The following GBE1 variants were observed in gnomAD, a reference collection of about 807,000 sequenced individuals.
GBE1 encodes 1,4-alpha-glucan branching enzyme 1, also known as 1,4-alpha-glucan-branching enzyme.
GBE1 carries 70 observed loss-of-function variants against 88.8 expected under a neutral mutation model. The ratio of observed to expected loss-of-function variants is 0.79; its 90% CI spans 0.65 to 0.96. The LOEUF is 0.96. GBE1 is among the 40% of genes least tolerant of loss of function. The probability of loss-of-function intolerance (pLI) is 0.00; values close to 1 mark genes in which losing one functional copy is unlikely to be tolerated. For missense variants in GBE1, 872 were observed against 871.0 expected, an observed-to-expected ratio of 1.00 and a Z score of -0.01; for synonymous variants, 284 against 300.1, an observed-to-expected ratio of 0.95 and a Z score of 0.56.
At chr3:81,725,313 T>C (rs1706093272) in intron 1 of GBE1, among the ~76,000 whole-genome samples, 1 of 152,218 alleles carries the variant, frequency 6.6e-6, no homozygotes, top group African/African-American at 2.4e-5. Flanking sequence ...ATTTTCTTTC[T>C]TTAAATTTTT....
chr3:81,716,029 T>C (rs1157334024), intron 1 of GBE1, among the ~76,000 whole-genome samples: 2 of 152,190 alleles, frequency 1.3e-5, no homozygotes, highest in Non-Finnish European at 2.9e-5. Context: ...CATTGTGTTA[T>C]TAATTTTAAT....
chr3:81,706,998 C>CAA (rs760072549), intron 1 of GBE1, among the ~76,000 whole-genome samples: 1 of 146,718 alleles, frequency 6.8e-6, no homozygotes, highest in East Asian at 2.0e-4. Flanking sequence ...CCAACATAGA[C>CAA]AAAAAAAAAT....
At chr3:81,621,578 AT>A (rs1421354045) in intron 7 of GBE1, among the ~76,000 whole-genome samples, 1 of 152,016 alleles carries the variant, frequency 6.6e-6, no homozygotes, top group Admixed American at 6.6e-5. Flanking sequence ...CCAACAGAAA[AT>A]TACTCCTAAC....
At position 81,581,230 on chromosome 3, in the gene GBE1, C is replaced by G; in HGVS notation, c.1381G>C (p.Val461Leu). ...TAGCGCCTGTTTGTGAGCGTGTATACTATATCGCCCATGTTCCAGTCTTCA... is the reference window on the plus strand; with the variant it reads ...TAGCGCCTGTTTGTGAGCGTGTATAGTATATCGCCCATGTTCCAGTCTTCA... ...KDEDWNMGDI[V>L]YTLTNRRYLE... Residue 461 changes from valine (V) to leucine (L), a missense_variant, in exon 11 of 16, where the codon GTA (valine) becomes CTA (leucine). Val to Leu is a conservative substitution (Grantham distance 32, BLOSUM62 1). Transcript: ENST00000429644. The G allele has an allele frequency of 6.2e-7, 1 of 1,604,296 alleles. No individual in the cohort carries two copies. The highest frequency in any genetic ancestry group is 1.3e-5 in the African/African-American group (1 of 74,348).
intron 3 of GBE1, among the ~76,000 whole-genome samples, chr3:81,651,558 T>C (rs1470590289): frequency 1.3e-5 from 2 of 152,170 alleles, no homozygotes; most frequent in Non-Finnish European, 2.9e-5. Context: ...TTCAACTATT[T>C]TAAGCTTAAA....
chr3:81,537,262 G>A (rs976182051), intron 12 of GBE1, among the ~76,000 whole-genome samples, 167 bp from the exon 13 acceptor site: 6 of 151,880 alleles, frequency 4.0e-5, no homozygotes, highest in South Asian at 2.1e-4. Flanking sequence ...AAAATAGCAC[G>A]GTCTAGCACA....
chr3:81,507,644 C>T (rs1050411835), intron 14 of GBE1, among the ~76,000 whole-genome samples: 1 of 151,320 alleles, frequency 6.6e-6, no homozygotes, highest in Admixed American at 6.6e-5. Context: ...AAGCCAAATG[C>T]AACTTTTTTC....
chr3:81,581,762 T>G (rs912150603), intron 10 of GBE1, among the ~76,000 whole-genome samples: 1 of 152,118 alleles, frequency 6.6e-6, no homozygotes, highest in African/African-American at 2.4e-5. Flanking sequence ...TATCATCAAA[T>G]AATTACCCTC....
chr3:81,510,033 C>A (rs948255912), intron 14 of GBE1, among the ~76,000 whole-genome samples: 1 of 152,126 alleles, frequency 6.6e-6, no homozygotes, highest in East Asian at 1.9e-4. Context: ...GACATGGATA[C>A]ATGATTCCAG....
At chr3:81,601,943 A>G (rs756096162) in intron 7 of GBE1, among the ~76,000 whole-genome samples, 1 of 152,226 alleles carries the variant, frequency 6.6e-6, no homozygotes, top group Non-Finnish European at 1.5e-5. Flanking sequence ...AATACAAAGT[A>G]TCACTTTGTG....
At chr3:81,754,292 G>T (rs1706573260) in intron 1 of GBE1, among the ~76,000 whole-genome samples, 1 of 151,960 alleles carries the variant, frequency 6.6e-6, no homozygotes, top group Admixed American at 6.6e-5. Context: ...ATAAAACTCT[G>T]ATGAAAGAAA....
At chr3:81,710,386 C>A (rs1001925897) in intron 1 of GBE1, among the ~76,000 whole-genome samples, 3 of 151,054 alleles carry the variant, frequency 2.0e-5, no homozygotes, top group Non-Finnish European at 3.0e-5. Flanking sequence ...AGGCACCCAC[C>A]ACCACGCCCG....
chr3:81,560,649 T>C (rs2106908869), intron 12 of GBE1, among the ~76,000 whole-genome samples: 1 of 152,108 alleles, frequency 6.6e-6, no homozygotes, highest in Admixed American at 6.6e-5. Flanking sequence ...ATGGTATCTC[T>C]GAATTTTGGT....
intron 1 of GBE1, among the ~76,000 whole-genome samples, chr3:81,738,406 C>T (rs1204337802): frequency 1.3e-5 from 2 of 151,940 alleles, no homozygotes; most frequent in Non-Finnish European, 2.9e-5. Context: ...ACATCCTCTC[C>T]AGCACCTGTT....
At chr3:81,655,344 C>T (rs1315413628) in intron 3 of GBE1, among the ~76,000 whole-genome samples, 1 of 151,614 alleles carries the variant, frequency 6.6e-6, no homozygotes, top group Non-Finnish European at 1.5e-5. Flanking sequence ...CTGCACCCGG[C>T]CTATAATTAA....
At chr3:81,647,430 C>CA (rs1485580024) in intron 5 of GBE1, among the ~76,000 whole-genome samples, 5 of 151,462 alleles carry the variant, frequency 3.3e-5, no homozygotes, top group East Asian at 3.9e-4. Flanking sequence ...TAAAGTGACT[C>CA]AAAAAAGTAG....
intron 3 of GBE1, among the ~76,000 whole-genome samples, chr3:81,656,878 C>A (rs561568777): frequency 6.6e-6 from 1 of 151,896 alleles, no homozygotes; most frequent in Admixed American, 6.6e-5. Context: ...AATTTGTGCC[C>A]GGGTGTGTGG....
intron 14 of GBE1, among the ~76,000 whole-genome samples, chr3:81,513,819 T>C (rs536962056): frequency 1.3e-5 from 2 of 151,828 alleles, no homozygotes; most frequent in African/African-American, 4.8e-5. Context: ...ACAACAATTC[T>C]ATGAATAGGT....
At chr3:81,568,066 C>T (rs765366903) in intron 12 of GBE1, among the ~76,000 whole-genome samples, 5 of 152,172 alleles carry the variant, frequency 3.3e-5, no homozygotes, top group Non-Finnish European at 7.4e-5. Flanking sequence ...ATTCTGTAAC[C>T]TCTCTTTAGA....
Sources: gnomAD v4.1 joint callset for allele counts (sites outside exome capture counted in the v4.1 genomes callset) on GRCh38, gnomAD v4.1.1 for gene constraint, MANE v1.5 for transcripts, NCBI Gene and HGNC (gene_info 2026-07-23, HGNC 2026-07-21) for gene names.